BAZ2B: variants seen among roughly 807,000 people sequenced by gnomAD.
BAZ2B encodes the protein bromodomain adjacent to zinc finger domain protein 2B.
A neutral mutation model predicts 246.0 loss-of-function variants in BAZ2B; 91 were observed. The observed-to-expected ratio is 0.37, with a 90% CI of 0.31 to 0.44. The LOEUF is 0.44. Among genes scored for constraint, BAZ2B ranks in the 20% least tolerant of loss-of-function variants. BAZ2B has a pLI of 1.00. For synonymous variants in BAZ2B, 855 were observed against 860.0 expected (o/e 0.99, Z 0.10); for missense variants, 2,332 against 2,533.7 (o/e 0.92, Z 1.71).
chr2:159,396,977 C>A, intron 19 of BAZ2B: 4 of 967,160 alleles, frequency 4.1e-6, no homozygotes, highest in South Asian at 1.5e-5. Context: ...TGTAATATGA[C>A]AGCAGCCAGT....
Position 159,446,526 on chromosome 2 carries a change from G to A in BAZ2B, c.696+256C>T, listed in dbSNP as rs185641942. Among the ~76,000 whole-genome samples, 575 of 152,198 alleles carry A rather than the reference G, an allele frequency of 3.8e-3. 13 individuals are homozygous for A. The South Asian group carries it at 0.045, about 12-fold the overall frequency. ...GTAATAACAGTAGCTACTTCATTTCGGATACAGGGAAGAGTTAAAAGTTAT... is the reference window on the plus strand; with the variant it reads ...GTAATAACAGTAGCTACTTCATTTCAGATACAGGGAAGAGTTAAAAGTTAT... On this transcript the variant is annotated intron_variant, in intron 6 of 36. Transcript: ENST00000392783.
At chr2:159,595,909 T>C (rs1315854758) in intron 1 of BAZ2B, among the ~76,000 whole-genome samples, 1 of 152,238 alleles carries the variant, frequency 6.6e-6, no homozygotes, top group Non-Finnish European at 1.5e-5. Context: ...CACTTCCTTT[T>C]TCTGTCCATA....
chr2:159,359,375 G>A (rs2059445219), intron 27 of BAZ2B, among the ~76,000 whole-genome samples: 1 of 151,970 alleles, frequency 6.6e-6, no homozygotes, highest in Admixed American at 6.6e-5. Flanking sequence ...ATAAATTCCG[G>A]GACACACACA....
intron 1 of BAZ2B, among the ~76,000 whole-genome samples, chr2:159,576,546 AAG>A (rs1469068742): frequency 2.6e-4 from 40 of 151,602 alleles, no homozygotes; most frequent in African/African-American, 8.7e-4. Context: ...AAAAAAAAAA[AAG>A]AACCCAGAAT....
At chr2:159,678,760 C>T in the BAZ2B span, among the ~76,000 whole-genome samples, 1 of 152,108 alleles carries the variant, frequency 6.6e-6, no homozygotes, top group African/African-American at 2.4e-5. Context: ...GTCACTACCA[C>T]CACAATCAGG....
the BAZ2B span, among the ~76,000 whole-genome samples, chr2:159,691,829 AGAT>A: frequency 6.6e-6 from 1 of 152,224 alleles, no homozygotes; most frequent in African/African-American, 2.4e-5. Context: ...GCTCATCTGG[AGAT>A]GATAAGTATC....
chr2:159,542,484 T>A (rs2086778456), intron 2 of BAZ2B, among the ~76,000 whole-genome samples: 1 of 151,944 alleles, frequency 6.6e-6, no homozygotes, highest in South Asian at 2.1e-4. Flanking sequence ...TTCAATAAGA[T>A]TAATAAGCCA....
At chr2:159,545,790 CTG>C (rs764214974) in intron 2 of BAZ2B, among the ~76,000 whole-genome samples, 4 of 152,164 alleles carry the variant, frequency 2.6e-5, no homozygotes, top group Non-Finnish European at 5.9e-5. Flanking sequence ...TCTAAGGACT[CTG>C]TAACGTTTCT....
chr2:159,616,126 C>T (rs1021037493), intron 1 of BAZ2B, 116 bp downstream of exon 1: 1 of 152,288 alleles, frequency 6.6e-6, no homozygotes, highest in African/African-American at 2.4e-5. Context: ...CGCAGCAACT[C>T]CGGAGTCCCC....
intron 20 of BAZ2B, among the ~76,000 whole-genome samples, chr2:159,391,638 C>T (rs1473210229): frequency 2.0e-5 from 3 of 152,036 alleles, no homozygotes; most frequent in Admixed American, 1.3e-4. Flanking sequence ...AATAGACACA[C>T]GGACAAGCTA....
At chr2:159,651,312 G>A in the BAZ2B span, among the ~76,000 whole-genome samples, 1 of 152,072 alleles carries the variant, frequency 6.6e-6, no homozygotes, top group Non-Finnish European at 1.5e-5. Context: ...GTTAATAGTA[G>A]GAGAAAAAGT....
chr2:159,453,625 C>T lies in BAZ2B; in HGVS notation c.322G>A (p.Ala108Thr), dbSNP rs749608430. 2.0e-5 allele frequency: 32 copies of T among 1,604,842 alleles called. No individual in the cohort carries two copies. The highest frequency in any genetic ancestry group is 2.6e-5 in the Non-Finnish European group (31 of 1,175,706). ...AACAGATGTTTACCTGGAAAAGATG[C>T]TAGTTGGGGATGTGCGGCTAAGGCT... ...PTALAAHPQL[A>T]SFPGAEWWRT... Residue 108 changes from alanine (A) to threonine (T), a missense_variant, in exon 4 of 37, where the codon GCA (alanine) becomes ACA (threonine). Coordinates refer to ENST00000392783, the MANE Select transcript of BAZ2B (RefSeq NM_013450.4).
chr2:159,659,559 A>G, the BAZ2B span, among the ~76,000 whole-genome samples: 3 of 152,178 alleles, frequency 2.0e-5, no homozygotes, highest in African/African-American at 7.2e-5. Context: ...TTAGCTGGCA[A>G]AGACACAAAT....
chr2:159,621,922 T>G, the BAZ2B span, among the ~76,000 whole-genome samples: 1 of 151,944 alleles, frequency 6.6e-6, no homozygotes, highest in African/African-American at 2.4e-5. Context: ...CCTGACAACA[T>G]GGAGAAACCC....
chr2:159,545,435 T>A (rs1212299555), intron 2 of BAZ2B, among the ~76,000 whole-genome samples: 1 of 152,224 alleles, frequency 6.6e-6, no homozygotes, highest in Non-Finnish European at 1.5e-5. Context: ...CTGTAAGTGA[T>A]CAAAATCCTA....
the BAZ2B span, among the ~76,000 whole-genome samples, chr2:159,657,192 CT>C: frequency 1.3e-5 from 2 of 152,026 alleles, no homozygotes; most frequent in African/African-American, 2.4e-5. Context: ...TATATTCTTT[CT>C]TTTTTTGCAT....
chr2:159,513,048 A>G (rs1439925053), intron 2 of BAZ2B, among the ~76,000 whole-genome samples: 1 of 152,178 alleles, frequency 6.6e-6, no homozygotes, highest in Non-Finnish European at 1.5e-5. Context: ...CACCTAATCT[A>G]TCAATGACCT....
chr2:159,619,570 A>C (rs1437766239), upstream of BAZ2B, among the ~76,000 whole-genome samples: 1 of 150,542 alleles, frequency 6.6e-6, no homozygotes, highest in African/African-American at 2.4e-5. Flanking sequence ...TTATATTAAA[A>C]TATATATTTA....
intron 34 of BAZ2B, among the ~76,000 whole-genome samples, chr2:159,331,623 C>T (rs943146063): frequency 3.3e-5 from 5 of 152,134 alleles, no homozygotes; most frequent in East Asian, 1.9e-4. Flanking sequence ...GTGATCTGCT[C>T]GCCTCGGCCT....
Sources: gnomAD v4.1 joint callset for allele counts (sites outside exome capture counted in the v4.1 genomes callset) on GRCh38, gnomAD v4.1.1 for gene constraint, MANE v1.5 for transcripts, NCBI Gene and HGNC (gene_info 2026-07-23, HGNC 2026-07-21) for gene names.